The following PRR5L variants were observed in gnomAD, a reference collection of about 807,000 sequenced individuals.
PRR5L encodes the protein proline-rich protein 5-like.
In PRR5L, 21 loss-of-function variants were observed where a neutral mutation model predicts 36.4. The observed-to-expected ratio is 0.58, with a 90% CI of 0.41 to 0.83. PRR5L has a LOEUF of 0.83. Ranked by LOEUF, PRR5L falls within the 40% of genes least tolerant of loss-of-function variation. PRR5L has a pLI of 0.00. For synonymous variants in PRR5L, 188 were observed against 197.0 expected (o/e 0.95, Z 0.38); for missense variants, 381 against 473.3 (o/e 0.80, Z 1.81).
At chr11:36,388,630 G>C (rs559137447) in intron 1 of PRR5L, among the ~76,000 whole-genome samples, 1 of 151,528 alleles carries the variant, frequency 6.6e-6, no homozygotes, top group Non-Finnish European at 1.5e-5. Context: ...TTTTTACATA[G>C]ATGGTAGCAT....
intron 8 of PRR5L, among the ~76,000 whole-genome samples, chr11:36,460,016 C>T (rs935426080): frequency 3.3e-5 from 5 of 152,050 alleles, no homozygotes; most frequent in East Asian, 3.9e-4. Flanking sequence ...TAAAAATCAC[C>T]GGGTAATACC....
At chr11:36,318,932 CCTTGA>C (rs1856586470) in intron 1 of PRR5L, among the ~76,000 whole-genome samples, 1 of 152,136 alleles carries the variant, frequency 6.6e-6, no homozygotes, top group Non-Finnish European at 1.5e-5. Context: ...GAACTGATTT[CCTTGA>C]CTTTTCTCGA....
Position 36,417,118 on chromosome 11 carries a change from C to T in PRR5L, c.246-2137C>T, listed in dbSNP as rs142506114. Among the ~76,000 whole-genome samples, 27 of 152,268 alleles carry T rather than the reference C, an allele frequency of 1.8e-4. 1 individual carries two copies. The East Asian group carries it at 5.2e-3, about 29-fold the overall frequency. On this transcript the variant is annotated intron_variant, in intron 3 of 8. Coordinates refer to ENST00000530639, the MANE Select transcript of PRR5L (RefSeq NM_001160167.2). ...GTTCCTTGGGACACCAATTCCACAG[C>T]GTATTATTTGATCTCAGAAGCACAT...
chr11:36,331,479 A>T (rs74666855), intron 1 of PRR5L, among the ~76,000 whole-genome samples: 25 of 152,330 alleles, frequency 1.6e-4, no homozygotes, highest in African/African-American at 6.0e-4. Context: ...CATGATAAAG[A>T]TAACATAAAG....
intron 1 of PRR5L, among the ~76,000 whole-genome samples, chr11:36,369,365 A>G (rs1245832219): frequency 6.6e-6 from 1 of 152,144 alleles, no homozygotes; most frequent in African/African-American, 2.4e-5. Context: ...TGTATCCCAA[A>G]GGACACTTTG....
intron 1 of PRR5L, among the ~76,000 whole-genome samples, chr11:36,306,655 A>T (rs1027526950): frequency 1.3e-5 from 2 of 152,152 alleles, no homozygotes; most frequent in Non-Finnish European, 2.9e-5. Context: ...ATGATCTTGC[A>T]AAGTTGCCTT....
intron 1 of PRR5L, among the ~76,000 whole-genome samples, chr11:36,378,556 C>T (rs1330959537): frequency 1.3e-5 from 2 of 152,184 alleles, no homozygotes; most frequent in Non-Finnish European, 1.5e-5. Context: ...GCTTATTTCT[C>T]AAAGGCTTAG....
chr11:36,325,308 C>T (rs574738862), intron 1 of PRR5L, among the ~76,000 whole-genome samples: 6 of 152,374 alleles, frequency 3.9e-5, no homozygotes, highest in East Asian at 1.9e-4. Context: ...AGGAGCACAG[C>T]AGACACCCTG....
In PRR5L at chr11:36,376,170, GC is replaced by G. The variant is rs528530769; in HGVS notation, c.-125-24821del. On this transcript the variant is annotated intron_variant, in intron 1 of 8. Transcript: ENST00000530639. ...TTGTTGAACTGGATGTAAGTGCAGGGCCCCCCTCTCCGCTCTCCCCAGCAGG... is the reference window on the plus strand; with the variant it reads ...TTGTTGAACTGGATGTAAGTGCAGGGCCCCCTCTCCGCTCTCCCCAGCAGG... The G allele has an allele frequency of 9.8e-4, 1,285 of 1,304,834 alleles. 24 individuals carry two copies. In the South Asian group the frequency reaches 0.015, roughly 15 times the overall value. 80.8% of individuals were successfully genotyped at this position (1,304,834 alleles called of 1,614,324 possible).
intron 3 of PRR5L, among the ~76,000 whole-genome samples, chr11:36,415,086 G>C (rs972136343): frequency 1.1e-4 from 16 of 150,718 alleles, no homozygotes; most frequent in South Asian, 2.1e-4. Flanking sequence ...TGTTTTGGTA[G>C]CAGTACCATG....
chr11:36,454,898 G>A (rs1392812764), intron 8 of PRR5L: 2 of 152,324 alleles, frequency 1.3e-5, no homozygotes, highest in Non-Finnish European at 1.5e-5. Flanking sequence ...TTCTGCAACA[G>A]TGGGAGTTGC....
At chr11:36,332,772 C>G (rs1240395863) in intron 1 of PRR5L, among the ~76,000 whole-genome samples, 1 of 152,178 alleles carries the variant, frequency 6.6e-6, no homozygotes, top group Non-Finnish European at 1.5e-5. Flanking sequence ...CTGTTGCTCC[C>G]TCTCTCGCCA....
chr11:36,332,427 A>G (rs1812522622), intron 1 of PRR5L, among the ~76,000 whole-genome samples: 1 of 152,200 alleles, frequency 6.6e-6, no homozygotes, highest in Non-Finnish European at 1.5e-5. Flanking sequence ...CTCTGGCATT[A>G]AATAAGCCTT....
chr11:36,437,585 C>T lies in PRR5L; in HGVS notation c.444+109C>T, dbSNP rs142761393. On this transcript the variant is annotated intron_variant, in intron 6 of 8. Coordinates refer to ENST00000530639, the MANE Select transcript of PRR5L (RefSeq NM_001160167.2). ...AATGGGAGAAAACTTGGAGATTGGGCGCTTGTATTGGTTAAGGAGTTTAGA... is the reference window on the plus strand; with the variant it reads ...AATGGGAGAAAACTTGGAGATTGGGTGCTTGTATTGGTTAAGGAGTTTAGA... The T allele has an allele frequency of 1.4e-3, 897 of 660,070 alleles. 4 individuals carry two copies. In the African/African-American group the frequency reaches 0.014, roughly 11 times the overall value. The allele number at this position is 660,070 out of a possible 1,614,324, so 40.9% of individuals were successfully genotyped here. A position where few individuals can be genotyped will look rare whatever the true frequency, so the allele number is the denominator to read the frequency against.
At chr11:36,384,860 G>A (rs1270840333) in intron 1 of PRR5L, among the ~76,000 whole-genome samples, 2 of 147,718 alleles carry the variant, frequency 1.4e-5, no homozygotes, top group African/African-American at 5.0e-5. Context: ...TTTTAGAGTT[G>A]GGATCTGGCT....
chr11:36,347,517 G>T (rs370633395), intron 1 of PRR5L, among the ~76,000 whole-genome samples: 45 of 152,158 alleles, frequency 3.0e-4, no homozygotes, highest in African/African-American at 9.9e-4. Flanking sequence ...GAGTTGTAAG[G>T]CAGACATGGA....
chr11:36,331,806 T>A (rs1299528776), intron 1 of PRR5L, among the ~76,000 whole-genome samples: 1 of 152,200 alleles, frequency 6.6e-6, no homozygotes, highest in South Asian at 2.1e-4. Context: ...CACGAGTTCA[T>A]AGAAAAATGT....
intron 1 of PRR5L, among the ~76,000 whole-genome samples, chr11:36,336,811 A>G (rs1210598512): frequency 6.6e-6 from 1 of 152,094 alleles, no homozygotes; most frequent in Non-Finnish European, 1.5e-5. Flanking sequence ...ATAGTTTTCT[A>G]AACTGCATAG....
At chr11:36,424,537 G>A (rs1286079911) in intron 4 of PRR5L, among the ~76,000 whole-genome samples, 1 of 152,206 alleles carries the variant, frequency 6.6e-6, no homozygotes, top group Non-Finnish European at 1.5e-5. Context: ...TGATTCAGTG[G>A]GCATGAGAAG....
Sources: gnomAD v4.1 joint callset for allele counts (sites outside exome capture counted in the v4.1 genomes callset) on GRCh38, gnomAD v4.1.1 for gene constraint, MANE v1.5 for transcripts, NCBI Gene and HGNC (gene_info 2026-07-23, HGNC 2026-07-21) for gene names.